The following ARHGEF11 variants were observed in gnomAD, a reference collection of about 807,000 sequenced individuals.
ARHGEF11 encodes the protein Rho guanine exchange factor (GEF) 11.
In ARHGEF11, 55 loss-of-function variants were observed where a neutral mutation model predicts 193.7. The ratio of observed to expected loss-of-function variants is 0.28; its 90% CI spans 0.23 to 0.36. The LOEUF is 0.36. Among genes scored for constraint, ARHGEF11 ranks in the 10% least tolerant of loss-of-function variants. The pLI is 1.00. For missense variants in ARHGEF11, 1,723 were observed against 2,005.6 expected (o/e 0.86, Z 2.69); for synonymous variants, 693 against 768.0 (o/e 0.90, Z 1.62).
At chr1:156,952,019 T>G (rs1254126974) in intron 21 of ARHGEF11, among the ~76,000 whole-genome samples, 1 of 151,856 alleles carries the variant, frequency 6.6e-6, no homozygotes, top group Non-Finnish European at 1.5e-5. Context: ...CATGATTAGG[T>G]TTTTCCTAAA....
chr1:156,965,219 T>G (rs1374893264), intron 11 of ARHGEF11, among the ~76,000 whole-genome samples: 1 of 152,178 alleles, frequency 6.6e-6, no homozygotes, highest in Non-Finnish European at 1.5e-5. Flanking sequence ...CCAACACTAT[T>G]GACCCCACAC....
At chr1:156,992,733 C>A (rs920380418) in intron 1 of ARHGEF11, among the ~76,000 whole-genome samples, 7 of 152,268 alleles carry the variant, frequency 4.6e-5, no homozygotes, top group Non-Finnish European at 1.0e-4. Flanking sequence ...CACATAGAGA[C>A]AATCAGCTGA....
intron 1 of ARHGEF11, among the ~76,000 whole-genome samples, chr1:157,033,471 T>G (rs1312144813): frequency 6.6e-6 from 1 of 152,140 alleles, no homozygotes; most frequent in Non-Finnish European, 1.5e-5. Context: ...CCATCTTCCC[T>G]CTCTCCACCC....
intron 1 of ARHGEF11, among the ~76,000 whole-genome samples, chr1:157,030,437 A>G (rs1026594355): frequency 2.0e-5 from 3 of 152,144 alleles, no homozygotes; most frequent in African/African-American, 7.2e-5. Flanking sequence ...TAGACAGTGA[A>G]TGCAAACCTC....
chr1:156,960,859 G>A (rs569245911), intron 14 of ARHGEF11, among the ~76,000 whole-genome samples: 5 of 152,286 alleles, frequency 3.3e-5, no homozygotes, highest in Admixed American at 6.5e-5. Context: ...AGCTAGCCTT[G>A]TGTCACCCAG....
At chr1:156,991,710 A>AT (rs57140356) in intron 1 of ARHGEF11, among the ~76,000 whole-genome samples, 10,647 of 83,108 alleles carry the variant, frequency 0.13, 2,238 homozygotes, top group East Asian at 0.25. Flanking sequence ...TTTCAAGCTT[A>AT]TTTTTTTTTT....
chr1:156,986,836 C>G (rs1322510973), intron 1 of ARHGEF11, among the ~76,000 whole-genome samples: 2 of 152,212 alleles, frequency 1.3e-5, no homozygotes, highest in Non-Finnish European at 2.9e-5. Context: ...CTAGAAAAGA[C>G]AGTAGAGGAA....
At chr1:156,979,918 G>C (rs771946243) in intron 4 of ARHGEF11, among the ~76,000 whole-genome samples, 1 of 152,182 alleles carries the variant, frequency 6.6e-6, no homozygotes, top group Non-Finnish European at 1.5e-5. Context: ...GACCCAGTGT[G>C]CTTCCTCATT....
chr1:157,012,463 G>C (rs982395438), intron 1 of ARHGEF11, among the ~76,000 whole-genome samples: 2 of 152,130 alleles, frequency 1.3e-5, no homozygotes, highest in African/African-American at 4.8e-5. Flanking sequence ...TTAAATGGAT[G>C]AATTTTATGA....
intron 26 of ARHGEF11, 60 bp from the exon 27 acceptor site, chr1:156,947,075 T>C: frequency 6.3e-7 from 1 of 1,597,520 alleles, no homozygotes; most frequent in East Asian, 2.2e-5. Context: ...CCAGAACCTT[T>C]CTGACAGAGA....
chr1:157,045,547 G>C lies in ARHGEF11; in HGVS notation c.-1217C>G, dbSNP rs1371429265. Among the ~76,000 whole-genome samples, 2 of 151,874 alleles carry C rather than the reference G, an allele frequency of 1.3e-5. No homozygotes were observed. The highest frequency in any genetic ancestry group is 2.4e-5 in the African/African-American group (1 of 41,382). On this transcript the variant is annotated 5_prime_UTR_variant, in exon 1 of 41. Transcript: ENST00000368194. The stretch of plus-strand genomic sequence containing the variant: ...TCGGCCTCTCCTTGCCTCCCTTTCC[G>C]CCCCTCGCCTAATCTCGCAGGCAGG...
At chr1:157,037,104 C>T (rs770066304) in intron 1 of ARHGEF11, among the ~76,000 whole-genome samples, 12 of 151,926 alleles carry the variant, frequency 7.9e-5, no homozygotes, top group Non-Finnish European at 1.2e-4. Context: ...CTGTAGCCTG[C>T]GTAACAAGAG....
At chr1:156,995,116 G>A (rs901115741) in intron 1 of ARHGEF11, among the ~76,000 whole-genome samples, 5 of 152,036 alleles carry the variant, frequency 3.3e-5, no homozygotes, top group Non-Finnish European at 5.9e-5. Flanking sequence ...CTGCCACCAC[G>A]CTCATTTAAG....
At chr1:156,985,529 TTC>T (rs1166220792) in intron 2 of ARHGEF11, among the ~76,000 whole-genome samples, 4 of 152,108 alleles carry the variant, frequency 2.6e-5, no homozygotes, top group African/African-American at 9.7e-5. Context: ...GTTCAAGCAA[TTC>T]TCCTGCCTCA....
Position 156,935,939 on chromosome 1 carries a change from C to T in ARHGEF11, c.*61G>A, listed in dbSNP as rs373520458. On this transcript the variant is annotated 3_prime_UTR_variant, in exon 41 of 41. Transcript: ENST00000368194. ...TTGGGATCCCCCCTACCCTGTGCCC[C>T]GGTCTCAGGCCAGTCCCTGAAGGAG... 262 of 1,550,544 alleles carry T rather than the reference C, an allele frequency of 1.7e-4. No homozygotes were observed. Among genetic ancestry groups the T allele is most frequent in the South Asian group, 3.6e-4 (30 of 83,670 alleles).
In ARHGEF11 at chr1:156,969,516, C is replaced by T. The variant is rs183772462; in HGVS notation, c.749-158G>A. ...TCTCTCATCCCATGACCTCTAGACTCGGACACTTCCCGGCACACCTCCCCT... is the reference window on the plus strand; with the variant it reads ...TCTCTCATCCCATGACCTCTAGACTTGGACACTTCCCGGCACACCTCCCCT... On this transcript the variant is annotated intron_variant, in intron 9 of 40. Coordinates refer to ENST00000368194, the MANE Select transcript of ARHGEF11 (RefSeq NM_198236.3). Among the ~76,000 whole-genome samples, 10 of 152,264 alleles carry T rather than the reference C, an allele frequency of 6.6e-5. No individual in the cohort carries two copies. In the East Asian group the frequency reaches 7.7e-4, roughly 12 times the overall value.
At chr1:157,025,047 T>C (rs1330258219) in intron 1 of ARHGEF11, among the ~76,000 whole-genome samples, 2 of 152,244 alleles carry the variant, frequency 1.3e-5, no homozygotes, top group Admixed American at 1.3e-4. Flanking sequence ...AACCTCTGTC[T>C]AGCACAGTGC....
At chr1:156,958,924 T>A in intron 16 of ARHGEF11, 60 bp from the exon 17 acceptor site, 1 of 1,612,008 alleles carries the variant, frequency 6.2e-7, no homozygotes, top group Non-Finnish European at 8.5e-7. Flanking sequence ...CAGATGGACA[T>A]CCAGAAAGAA....
intron 1 of ARHGEF11, among the ~76,000 whole-genome samples, chr1:157,043,962 C>A (rs562716420): frequency 2.6e-5 from 4 of 152,298 alleles, no homozygotes; most frequent in South Asian, 2.1e-4. Flanking sequence ...TAGGAGCTCA[C>A]AAGACTGGCT....
Sources: allele counts gnomAD v4.1 joint callset (sites outside exome capture counted in the v4.1 genomes callset), GRCh38; gene constraint gnomAD v4.1.1; transcripts MANE v1.5; gene names NCBI Gene and HGNC (gene_info 2026-07-23, HGNC 2026-07-21).